The following CSMD1 variants were observed in gnomAD, a reference collection of about 807,000 sequenced individuals.
CSMD1 encodes the protein CUB and Sushi multiple domains 1, also known as CUB and sushi domain-containing protein 1.
A neutral mutation model predicts 417.5 loss-of-function variants in CSMD1; 213 were observed. That is an observed-to-expected ratio of 0.51 (90% CI 0.46 to 0.57). CSMD1 has a LOEUF of 0.57. Among genes scored for constraint, CSMD1 ranks in the 20% least tolerant of loss-of-function variants. The pLI is 0.00. For synonymous variants in CSMD1, 2,862 were observed against 1,736.8 expected, an observed-to-expected ratio of 1.65 and a Z score of -16.11; for missense variants, 6,923 against 4,529.7, an observed-to-expected ratio of 1.53 and a Z score of -15.17.
chr8:4,851,594 G>C (rs1563587480), intron 1 of CSMD1, among the ~76,000 whole-genome samples: 1 of 152,004 alleles, frequency 6.6e-6, no homozygotes. Flanking sequence ...GCATTCAATA[G>C]CCTATCCAAC....
intron 50 of CSMD1, among the ~76,000 whole-genome samples, chr8:3,035,554 G>A (rs989353699): frequency 1.3e-5 from 2 of 152,122 alleles, no homozygotes; most frequent in Non-Finnish European, 2.9e-5. Context: ...GTAACTCCAA[G>A]CATAGTTTCA....
At chr8:4,977,344 A>C (rs1224452177) in intron 1 of CSMD1, among the ~76,000 whole-genome samples, 1 of 152,176 alleles carries the variant, frequency 6.6e-6, no homozygotes, top group African/African-American at 2.4e-5. Flanking sequence ...AAAACGCAGC[A>C]GCACTTACCC....
intron 26 of CSMD1, among the ~76,000 whole-genome samples, chr8:3,259,594 G>A (rs527525102): frequency 2.6e-5 from 4 of 152,090 alleles, no homozygotes; most frequent in Non-Finnish European, 4.4e-5. Flanking sequence ...AACATGATGT[G>A]TCTTTTCTCA....
chr8:3,704,433 G>C (rs1382263834), intron 7 of CSMD1, among the ~76,000 whole-genome samples: 1 of 152,154 alleles, frequency 6.6e-6, no homozygotes, highest in Non-Finnish European at 1.5e-5. Context: ...AACAAGAGAA[G>C]TGGTACTTTG....
chr8:4,732,941 C>A (rs1043014982), intron 1 of CSMD1, among the ~76,000 whole-genome samples: 1 of 151,806 alleles, frequency 6.6e-6, no homozygotes, highest in African/African-American at 2.4e-5. Context: ...GCAGCAAGGG[C>A]GGAGAAGGAG....
intron 2 of CSMD1, among the ~76,000 whole-genome samples, chr8:4,528,751 T>C (rs941754818): frequency 1.3e-5 from 2 of 151,428 alleles, no homozygotes; most frequent in African/African-American, 2.4e-5. Context: ...AAGATGAGAA[T>C]GCTGCTGAAT....
rs1174016549 is a variant in CSMD1 at position 3,769,177 on chromosome 8, T to C, written c.819-15135A>G. On this transcript the variant is annotated intron_variant, in intron 5 of 69. Transcript: ENST00000635120. ...AACTTACAATTTCCCCTTGCCATGA[T>C]TTTACAAGCTTTTAATGTTCACAGA... 2.0e-5 allele frequency among the ~76,000 whole-genome samples: 3 copies of C among 152,210 alleles called. No homozygotes were observed. The East Asian group carries it at 5.8e-4, about 29-fold the overall frequency.
chr8:3,985,379 G>C (rs1339636946), intron 5 of CSMD1, among the ~76,000 whole-genome samples: 5 of 152,064 alleles, frequency 3.3e-5, no homozygotes, highest in Non-Finnish European at 5.9e-5. Flanking sequence ...TTCTTCCATA[G>C]AAAGTAAATG....
intron 1 of CSMD1, among the ~76,000 whole-genome samples, chr8:4,830,715 G>A (rs1022070629): frequency 4.6e-5 from 7 of 152,188 alleles, no homozygotes; most frequent in African/African-American, 1.7e-4. Flanking sequence ...TTGCAACCCT[G>A]TGTCATTGTA....
chr8:4,714,132 G>A (rs1336452242), intron 1 of CSMD1, among the ~76,000 whole-genome samples: 1 of 151,942 alleles, frequency 6.6e-6, no homozygotes, highest in Non-Finnish European at 1.5e-5. Flanking sequence ...GTGACAGAAC[G>A]CGACTCTGTC....
chr8:4,910,883 G>C (rs1805621496), intron 1 of CSMD1, among the ~76,000 whole-genome samples: 1 of 152,162 alleles, frequency 6.6e-6, no homozygotes, highest in South Asian at 2.1e-4. Context: ...GAATTCCCAT[G>C]TGTTGTGAAA....
chr8:4,552,564 T>A (rs1343541035), intron 2 of CSMD1, among the ~76,000 whole-genome samples: 5 of 152,042 alleles, frequency 3.3e-5, no homozygotes, highest in Non-Finnish European at 5.9e-5. Context: ...AGCACTAGTA[T>A]CTTGGGCATC....
At chr8:4,471,084 A>T (rs1213722843) in intron 2 of CSMD1, among the ~76,000 whole-genome samples, 2 of 152,200 alleles carry the variant, frequency 1.3e-5, no homozygotes, top group African/African-American at 2.4e-5. Flanking sequence ...AATCTTTGAC[A>T]TATTTGTTTT....
intron 5 of CSMD1, among the ~76,000 whole-genome samples, chr8:3,846,267 T>A (rs1046184576): frequency 1.3e-5 from 2 of 152,204 alleles, no homozygotes; most frequent in African/African-American, 4.8e-5. Flanking sequence ...TATGGCATTA[T>A]GATCGCTACC....
At chr8:3,699,258 G>C (rs1012531155) in intron 7 of CSMD1, among the ~76,000 whole-genome samples, 2 of 152,232 alleles carry the variant, frequency 1.3e-5, no homozygotes, top group East Asian at 1.9e-4. Flanking sequence ...CTATCACCTT[G>C]TGACAGAAAC....
intron 2 of CSMD1, among the ~76,000 whole-genome samples, chr8:4,613,311 T>G (rs1801288822): frequency 1.3e-5 from 2 of 151,986 alleles, no homozygotes; most frequent in African/African-American, 2.4e-5. Context: ...TGCACTAGAG[T>G]AGACACCACC....
chr8:3,723,053 A>G (rs1183578183), intron 6 of CSMD1, among the ~76,000 whole-genome samples: 1 of 152,196 alleles, frequency 6.6e-6, no homozygotes, highest in East Asian at 1.9e-4. Context: ...GAACTAGCGC[A>G]GCTGCTTTCT....
intron 2 of CSMD1, among the ~76,000 whole-genome samples, chr8:4,449,826 C>T (rs538206603): frequency 1.9e-4 from 29 of 152,250 alleles, no homozygotes; most frequent in East Asian, 1.2e-3. Context: ...TCCCCTCCTA[C>T]GTTCCCTATC....
chr8:4,041,237 A>T lies in CSMD1; in HGVS notation c.416-9138T>A, dbSNP rs547413425. 3.6e-3 allele frequency among the ~76,000 whole-genome samples: 551 copies of T among 151,798 alleles called. 2 individuals carry two copies. Among genetic ancestry groups the T allele is most frequent in the African/African-American group, 8.2e-3 (340 of 41,400 alleles). On this transcript the variant is annotated intron_variant, in intron 3 of 69. Coordinates refer to ENST00000635120, the MANE Select transcript of CSMD1 (RefSeq NM_033225.6). ...TTTCACCGTGTTAGCCAGGATGGTC[A>T]CGATCTCCTGACCTCGTGATCCGCC...
Sources: gnomAD v4.1 joint callset for allele counts (sites outside exome capture counted in the v4.1 genomes callset) on GRCh38, gnomAD v4.1.1 for gene constraint, MANE v1.5 for transcripts, NCBI Gene and HGNC (gene_info 2026-07-23, HGNC 2026-07-21) for gene names.